Variants in NLRP8 observed in about 807,000 individuals in gnomAD.
NLRP8 encodes NACHT, LRR and PYD domains-containing protein 8.
A neutral mutation model predicts 88.7 loss-of-function variants in NLRP8; 86 were observed. The observed-to-expected ratio is 0.97, with a 90% CI of 0.81 to 1.16. NLRP8 has a LOEUF of 1.16. NLRP8 is among the 50% of genes most tolerant of loss of function. NLRP8 has a pLI of 0.00. For synonymous variants in NLRP8, 504 were observed against 494.6 expected (o/e 1.02, Z -0.25); for missense variants, 1,342 against 1,286.5 (o/e 1.04, Z -0.66).
chr19:55,948,300 G>T (rs1205302160), intron 1 of NLRP8, 31 bp downstream of exon 1: 5 of 1,579,264 alleles, frequency 3.2e-6, no homozygotes, highest in African/African-American at 1.4e-5. Context: ...TAAAGTGGGG[G>T]TGGGCTTGGC....
Position 55,954,529 on chromosome 19 carries a change from G to A in NLRP8, c.471G>A (p.Val157=), listed in dbSNP as rs773339652. 6.2e-7 allele frequency: 1 copy of A among 1,613,924 alleles called. No individual in the cohort carries two copies. The highest frequency in any genetic ancestry group is 8.5e-7 in the Non-Finnish European group (1 of 1,179,962). Reference sequence around the variant, plus strand: ...AAATACGGCGGTATAAATCGAATGTGATGGAAAAGTTTTTCCCCATATGGG... The same window carrying A: ...AAATACGGCGGTATAAATCGAATGTAATGGAAAAGTTTTTCCCCATATGGG... Residue 157 remains valine (V), a synonymous_variant, in exon 3 of 10, where the codon GTG becomes GTA. Coordinates refer to ENST00000291971, the MANE Select transcript of NLRP8 (RefSeq NM_176811.2).
rs746842757 is a variant in NLRP8, at chr19:55,954,837, T to A, written c.779T>A (p.Ile260Asn). The stretch of plus-strand genomic sequence containing the variant: ...ACAGACCAGAGCTTCTCCGAGCTGA[T>A]TGAGCAAAAGTGGCCTGGATCTCAG... The change falls in exon 3 of 10, where the codon ATT becomes AAT. Residue 260 changes from isoleucine (I) to asparagine (N), a missense_variant. Transcript: ENST00000291971. The A allele has an allele frequency of 1.2e-6, 2 of 1,614,072 alleles. No homozygotes were observed. The highest frequency in any genetic ancestry group is 1.7e-6 in the Non-Finnish European group (2 of 1,180,046).
intron 5 of NLRP8, among the ~76,000 whole-genome samples, chr19:55,968,033 C>T (rs1979918158): frequency 1.3e-5 from 2 of 152,188 alleles, no homozygotes; most frequent in South Asian, 4.1e-4. Flanking sequence ...CGTAGGTAAA[C>T]AAATGGATAC....
At chr19:55,950,777 C>T (rs80121358) in intron 1 of NLRP8, among the ~76,000 whole-genome samples, 15 of 152,104 alleles carry the variant, frequency 9.9e-5, no homozygotes, top group Non-Finnish European at 2.9e-5. Flanking sequence ...ATAATCCCAG[C>T]AGTCTGAAAG....
intron 5 of NLRP8, 140 bp downstream of exon 5, chr19:55,966,520 G>A (rs1979851098): frequency 2.4e-6 from 2 of 844,550 alleles, no homozygotes; most frequent in East Asian, 2.8e-5. Context: ...AGTACAATTT[G>A]GGCCGGGCGC....
At chr19:55,966,506 TA>T in intron 5 of NLRP8, 126 bp downstream of exon 5, 1 of 955,432 alleles carries the variant, frequency 1.0e-6, no homozygotes, top group East Asian at 2.6e-5. Context: ...TGTTCAACTT[TA>T]AAAGTACAAT....
chr19:55,971,667 G>A (rs73934226), intron 6 of NLRP8, among the ~76,000 whole-genome samples: 67 of 150,790 alleles, frequency 4.4e-4, no homozygotes, highest in African/African-American at 9.7e-4. Flanking sequence ...ACACACACAC[G>A]CACACACACA....
At chr19:55,960,936 C>T (rs1169824811) in intron 3 of NLRP8, among the ~76,000 whole-genome samples, 1 of 128,406 alleles carries the variant, frequency 7.8e-6, no homozygotes, top group Admixed American at 9.2e-5. Flanking sequence ...GAGTCTCACA[C>T]TGTCACCCGG....
chr19:55,987,943 A>C lies in NLRP8; in HGVS notation c.*30A>C. ...TCCAGTCATCTTTCTCTGGGGCTTG[A>C]TTGATCAGTTCCCACTCTGACAACT... is the stretch of plus-strand genomic sequence containing the variant. On this transcript the variant is annotated 3_prime_UTR_variant, in exon 10 of 10. Transcript: ENST00000291971. 6.6e-7 allele frequency: 1 copy of C among 1,524,136 alleles called. No homozygotes were observed. The highest frequency in any genetic ancestry group is 9.1e-7 in the Non-Finnish European group (1 of 1,098,192). 94.4% of individuals were successfully genotyped at this position (1,524,136 alleles called of 1,614,324 possible).
Position 55,964,751 on chromosome 19 carries a change from C to CA in NLRP8, c.2214-1448dup, listed in dbSNP as rs540038164. Among the ~76,000 whole-genome samples, 453 of 95,116 alleles carry CA rather than the reference C, an allele frequency of 4.8e-3. 2 individuals carry two copies. The highest frequency in any genetic ancestry group is 7.3e-3 in the East Asian group (26 of 3,582). The allele number at this position is 95,116 out of a possible 152,430, so 62.4% of individuals were successfully genotyped here. A position where few individuals can be genotyped will look rare whatever the true frequency, so the allele number is the denominator to read the frequency against. On this transcript the variant is annotated intron_variant, in intron 4 of 9. Coordinates refer to ENST00000291971, the MANE Select transcript of NLRP8 (RefSeq NM_176811.2). Reference sequence around the variant, plus strand: ...TGGGTAACAAAGCAAGACTCTGTCTCAAAAAAAAAAAAAAGAAAAAAAGAA... The same window carrying CA: ...TGGGTAACAAAGCAAGACTCTGTCTCAAAAAAAAAAAAAAAGAAAAAAAGAA...
intron 1 of NLRP8, among the ~76,000 whole-genome samples, chr19:55,949,859 G>A (rs1043045941): frequency 6.6e-6 from 1 of 152,128 alleles, no homozygotes; most frequent in Non-Finnish European, 1.5e-5. Context: ...GCATGTCATA[G>A]GTGCTCAAAT....
At chr19:55,964,454 T>C (rs1979747971) in intron 4 of NLRP8, among the ~76,000 whole-genome samples, 1 of 152,116 alleles carries the variant, frequency 6.6e-6, no homozygotes, top group South Asian at 2.1e-4. Context: ...ACTGACTGAA[T>C]GTAGAAGAAA....
chr19:55,960,372 A>G (rs1288748672), intron 3 of NLRP8, among the ~76,000 whole-genome samples: 4 of 152,086 alleles, frequency 2.6e-5, no homozygotes, highest in Non-Finnish European at 5.9e-5. Flanking sequence ...GGCAATTCCA[A>G]CACATTCCAC....
chr19:55,987,692 G>A (rs1476399440), intron 9 of NLRP8: 1 of 688,766 alleles, frequency 1.5e-6, no homozygotes, highest in African/African-American at 1.8e-5. Flanking sequence ...CACCTGGGTA[G>A]AAAGGTGAGG....
chr19:55,984,606 A>G (rs1372832742), intron 9 of NLRP8, among the ~76,000 whole-genome samples: 1 of 146,834 alleles, frequency 6.8e-6, no homozygotes, highest in Non-Finnish European at 1.5e-5. Context: ...TTGAGCCGAG[A>G]TCGCGCCATT....
chr19:55,982,274 T>C (rs1980606804), intron 9 of NLRP8, among the ~76,000 whole-genome samples: 1 of 152,150 alleles, frequency 6.6e-6, no homozygotes, highest in African/African-American at 2.4e-5. Context: ...ACCTCCACCC[T>C]AGCAATCCCA....
chr19:55,965,237 G>T (rs918428109), intron 4 of NLRP8, among the ~76,000 whole-genome samples: 2 of 152,120 alleles, frequency 1.3e-5, no homozygotes, highest in African/African-American at 2.4e-5. Flanking sequence ...GATGACTTGA[G>T]GTCAGGAGTT....
At position 55,954,708 on chromosome 19, in the gene NLRP8, C is replaced by T. The variant is rs778302261; in HGVS notation, c.650C>T (p.Thr217Ile). The T allele has an allele frequency of 6.2e-7, 1 of 1,614,162 alleles. No individual in the cohort carries two copies. The highest frequency in any genetic ancestry group is 8.5e-7 in the Non-Finnish European group (1 of 1,180,042). ...CAGGGAGCTCCTGGGATCGGAAAAA[C>T]AATCCTGGCCAAAAAGGTGATGTTT... Residue 217 changes from threonine to isoleucine, a missense_variant, in exon 3 of 10, where the codon ACA (threonine) becomes ATA (isoleucine). Thr to Ile is a moderately conservative substitution (Grantham distance 89). Transcript: ENST00000291971.
chr19:55,977,147 ATATACG>A (rs1402382255), intron 8 of NLRP8, among the ~76,000 whole-genome samples: 2 of 147,480 alleles, frequency 1.4e-5, no homozygotes, highest in African/African-American at 4.9e-5. Flanking sequence ...ATATATACGT[ATATACG>A]TATATAAAGA....
Sources: allele counts gnomAD v4.1 joint callset (sites outside exome capture counted in the v4.1 genomes callset), GRCh38; gene constraint gnomAD v4.1.1; transcripts MANE v1.5; gene names NCBI Gene and HGNC (gene_info 2026-07-23, HGNC 2026-07-21).